TRAK2: variants seen among roughly 807,000 people sequenced by gnomAD.
TRAK2 encodes trafficking kinesin-binding protein 2.
In TRAK2, 81 loss-of-function variants were observed where a neutral mutation model predicts 104.6. That is an observed-to-expected ratio of 0.77 (90% CI 0.65 to 0.93). The LOEUF (loss-of-function observed/expected upper bound fraction) is 0.93, where lower values mean the gene tolerates loss of function less well. TRAK2 is among the 40% of genes least tolerant of loss of function. The pLI is 0.00. For synonymous variants in TRAK2, 406 were observed against 394.4 expected (o/e 1.03, Z -0.35); for missense variants, 1,002 against 1,089.0 (o/e 0.92, Z 1.12).
At chr2:201,389,572 G>T in intron 11 of TRAK2, 69 bp from the exon 12 acceptor site, 1 of 1,445,082 alleles carries the variant, frequency 6.9e-7, no homozygotes, top group Non-Finnish European at 9.7e-7. Flanking sequence ...GAGAATGTAT[G>T]TGCAGTCCAT....
chr2:201,407,410 A>G lies in TRAK2; in HGVS notation c.279T>C (p.Arg93=). 6.2e-7 allele frequency: 1 copy of G among 1,613,214 alleles called. No homozygotes were observed. The highest frequency in any genetic ancestry group is 8.5e-7 in the Non-Finnish European group (1 of 1,179,672). Residue 93 remains arginine (R), a synonymous_variant, in exon 3 of 16, where the codon CGT becomes CGC. Transcript: ENST00000332624. ...AGTAAAAAAAATACTCACTCATGTA[A>G]CGGAAAGTCTCTTCAGCAAGGACTG... ...LSPVLAEETF[R]YMILGTDRVE... is the part of the protein sequence containing the mutation.
chr2:201,422,179 G>T (rs553799227), intron 1 of TRAK2, among the ~76,000 whole-genome samples: 1 of 151,942 alleles, frequency 6.6e-6, no homozygotes, highest in Non-Finnish European at 1.5e-5. Context: ...TTACACAATG[G>T]ATATACTCAC....
chr2:201,400,977 G>GT, intron 4 of TRAK2, 41 bp downstream of exon 4: 1 of 1,513,362 alleles, frequency 6.6e-7, no homozygotes, highest in Non-Finnish European at 9.2e-7. Flanking sequence ...TGATCCTCAA[G>GT]TTTTACCTTT....
At chr2:201,439,281 C>T (rs1191075036) in intron 1 of TRAK2, among the ~76,000 whole-genome samples, 4 of 152,106 alleles carry the variant, frequency 2.6e-5, no homozygotes, top group Non-Finnish European at 5.9e-5. Context: ...AGTAGGTGTA[C>T]GTGCAGGGCT....
chr2:201,400,007 C>T (rs1279501456), intron 4 of TRAK2, among the ~76,000 whole-genome samples: 1 of 152,012 alleles, frequency 6.6e-6, no homozygotes, highest in East Asian at 1.9e-4. Context: ...GAGGGAAGTG[C>T]AGCCAAGAGC....
intron 1 of TRAK2, among the ~76,000 whole-genome samples, chr2:201,431,148 C>T (rs540970662): frequency 5.9e-5 from 9 of 152,316 alleles, no homozygotes; most frequent in African/African-American, 1.9e-4. Context: ...CTGGGATTAT[C>T]AAGAGTGATG....
intron 6 of TRAK2, chr2:201,397,784 T>C (rs1951515185): frequency 1.8e-6 from 1 of 564,532 alleles, no homozygotes; most frequent in South Asian, 2.4e-5. Context: ...TTGATGCCCA[T>C]ACTATACAAG....
In TRAK2 at chr2:201,396,247, A is replaced by G. The variant is rs541643565; in HGVS notation, c.770-803T>C. Among the ~76,000 whole-genome samples the G allele has an allele frequency of 1.1e-4, 16 of 152,312 alleles. No individual in the cohort carries two copies. In the South Asian group the frequency reaches 3.3e-3, roughly 32 times the overall value. ...GGATCTGAGAGCTCTTGGGCAAGTC[A>G]TTTCCTGTATTTTAAAGTGTAAAAG... is the stretch of plus-strand genomic sequence containing the variant. On this transcript the variant is annotated intron_variant, in intron 7 of 15. Transcript: ENST00000332624.
chr2:201,404,475 T>C (rs1951576280), intron 3 of TRAK2, among the ~76,000 whole-genome samples: 1 of 152,198 alleles, frequency 6.6e-6, no homozygotes, highest in Admixed American at 6.5e-5. Context: ...GTTTGGAGAA[T>C]CTAATGTTCC....
At chr2:201,412,518 AT>A in intron 2 of TRAK2, 7 of 1,186,934 alleles carry the variant, frequency 5.9e-6, no homozygotes, top group South Asian at 1.3e-5. Flanking sequence ...CTTCAAATAT[AT>A]GTTTCCTTTT....
intron 2 of TRAK2, 28 bp downstream of exon 2, chr2:201,420,389 A>T: frequency 6.3e-7 from 1 of 1,583,198 alleles, no homozygotes; most frequent in Non-Finnish European, 8.7e-7. Context: ...AAGCGATAGC[A>T]CTTCAATATT....
intron 1 of TRAK2, among the ~76,000 whole-genome samples, chr2:201,446,250 G>A (rs1230738003): frequency 6.6e-6 from 1 of 151,562 alleles, no homozygotes; most frequent in African/African-American, 2.4e-5. Context: ...GCATTTACTA[G>A]CTTCCTAGAC....
At position 201,386,299 on chromosome 2, in the gene TRAK2, C is replaced by T; in HGVS notation, c.1882G>A (p.Val628Met). The change falls in exon 14 of 16, where the codon GTG becomes ATG. Residue 628 changes from valine (V) to methionine (M), a missense_variant. Val to Met is a conservative substitution (Grantham distance 21). Transcript: ENST00000332624. Reference sequence around the variant, plus strand: ...TTGGATGTTGAAAGTTTCTCTTCCACTTCAAGAGGTTGCTGAACCTGAAAA... The same window carrying T: ...TTGGATGTTGAAAGTTTCTCTTCCATTTCAAGAGGTTGCTGAACCTGAAAA... ...ITFQVQQPLEVEEKLSTSKPV... is the reference protein window; with the variant it reads ...ITFQVQQPLEMEEKLSTSKPV... 1 of 1,614,140 alleles carries T rather than the reference C, an allele frequency of 6.2e-7. No homozygotes were observed. The highest frequency in any genetic ancestry group is 8.5e-7 in the Non-Finnish European group (1 of 1,180,002).
intron 9 of TRAK2, among the ~76,000 whole-genome samples, chr2:201,393,453 G>A (rs1951466614): frequency 6.6e-6 from 1 of 152,124 alleles, no homozygotes; most frequent in Non-Finnish European, 1.5e-5. Context: ...CCTACAAAGT[G>A]TTATATACAA....
chr2:201,402,244 A>G (rs1232086968), intron 3 of TRAK2, among the ~76,000 whole-genome samples: 1 of 152,148 alleles, frequency 6.6e-6, no homozygotes, highest in Non-Finnish European at 1.5e-5. Context: ...GCAGTAATTC[A>G]TAGTTCCATA....
At chr2:201,396,873 T>C (rs1022930204) in intron 7 of TRAK2, among the ~76,000 whole-genome samples, 1 of 152,202 alleles carries the variant, frequency 6.6e-6, no homozygotes, top group African/African-American at 2.4e-5. Context: ...AACTCATGAA[T>C]TGTTTATTTC....
At chr2:201,418,116 C>A (rs1198545514) in intron 2 of TRAK2, among the ~76,000 whole-genome samples, 2 of 152,182 alleles carry the variant, frequency 1.3e-5, no homozygotes, top group Non-Finnish European at 2.9e-5. Flanking sequence ...ATTATCAATT[C>A]TCTACAGAGT....
intron 4 of TRAK2, 66 bp from the exon 5 acceptor site, chr2:201,399,559 T>C (rs955376853): frequency 1.8e-5 from 23 of 1,252,518 alleles, no homozygotes; most frequent in African/African-American, 5.9e-5. Flanking sequence ...TTCAGAAATT[T>C]TGTGGTCAGT....
Position 201,379,855 on chromosome 2 carries a change from A to G in TRAK2, c.*688T>C, listed in dbSNP as rs2125638040. ...GTTGTATAAAAATACAAATTTAAAA[A>G]ATGAACTTTTATTAATCATAAATAC... On this transcript the variant is annotated 3_prime_UTR_variant, in exon 16 of 16. Transcript: ENST00000332624. 6.6e-6 allele frequency: 1 copy of G among 152,364 alleles called. No individual in the cohort carries two copies. Among genetic ancestry groups the G allele is most frequent in the African/African-American group, 2.4e-5 (1 of 41,552 alleles). 9.4% of individuals were successfully genotyped at this position (152,364 alleles called of 1,614,324 possible).
Sources: gnomAD v4.1 joint callset for allele counts (sites outside exome capture counted in the v4.1 genomes callset) on GRCh38, gnomAD v4.1.1 for gene constraint, MANE v1.5 for transcripts, NCBI Gene and HGNC (gene_info 2026-07-23, HGNC 2026-07-21) for gene names.